SLC3A1: variants seen among roughly 807,000 people sequenced by gnomAD.
SLC3A1 encodes the protein solute carrier family 3 member 1, also known as amino acid transporter heavy chain SLC3A1.
SLC3A1 carries 78 observed loss-of-function variants against 60.3 expected under a neutral mutation model. The ratio of observed to expected loss-of-function variants is 1.29; its 90% CI spans 1.08 to 1.56. The LOEUF (loss-of-function observed/expected upper bound fraction) is 1.56, where lower values mean the gene tolerates loss of function less well. Among genes scored for constraint, SLC3A1 ranks in the 40% most tolerant of loss-of-function variants. The pLI is 0.00. For synonymous variants in SLC3A1, 392 were observed against 307.9 expected, an observed-to-expected ratio of 1.27 and a Z score of -2.86; for missense variants, 1,172 against 858.9, an observed-to-expected ratio of 1.36 and a Z score of -4.56.
chr2:44,287,582 G>C (rs1447636613), intron 4 of SLC3A1, among the ~76,000 whole-genome samples: 1 of 152,208 alleles, frequency 6.6e-6, no homozygotes, highest in East Asian at 1.9e-4. Context: ...TGAGTGTCTT[G>C]TATTTTATCT....
At chr2:44,319,372 T>A (rs1229110410) in intron 9 of SLC3A1, 3 of 152,556 alleles carry the variant, frequency 2.0e-5, no homozygotes, top group Non-Finnish European at 4.4e-5. Flanking sequence ...TAATCTATCT[T>A]AAGTAATACA....
In SLC3A1 at chr2:44,286,123, A is replaced by C. The variant is rs764752418; in HGVS notation, c.857A>C (p.Asn286Thr). 1.9e-6 allele frequency: 3 copies of C among 1,614,096 alleles called. No homozygotes were observed. The highest frequency in any genetic ancestry group is 2.5e-6 in the Non-Finnish European group (3 of 1,179,982). ...HQFMKEQPDLNFRNPDVQEEI... is the reference protein window; with the variant it reads ...HQFMKEQPDLTFRNPDVQEEI... Reference sequence around the variant, plus strand: ...TTTATGAAAGAGCAACCTGATTTAAATTTCCGCAATCCTGATGTTCAAGAA... The same window carrying C: ...TTTATGAAAGAGCAACCTGATTTAACTTTCCGCAATCCTGATGTTCAAGAA... The change falls in exon 4 of 10, where the codon AAT becomes ACT. Residue 286 changes from asparagine (N) to threonine (T), a missense_variant. Physicochemically the swap from Asn to Thr is moderately conservative, Grantham distance 65. Transcript: ENST00000260649.
intron 9 of SLC3A1, chr2:44,318,234 G>C (rs1330189141): frequency 2.9e-6 from 1 of 344,480 alleles, no homozygotes; most frequent in African/African-American, 2.3e-5. Flanking sequence ...GGGATTACAG[G>C]TGCACGTCAT....
chr2:44,302,945 T>A (rs113841058), intron 6 of SLC3A1, among the ~76,000 whole-genome samples: 14,336 of 152,086 alleles, frequency 0.094, 728 homozygotes, highest in Non-Finnish European at 0.11. Context: ...ATGCCTGTAA[T>A]CCCAATAGTT....
chr2:44,300,646 A>T (rs563917702), intron 5 of SLC3A1, among the ~76,000 whole-genome samples: 2 of 152,230 alleles, frequency 1.3e-5, no homozygotes, highest in African/African-American at 2.4e-5. Context: ...TTGTGAGCAG[A>T]TAAAGTATAC....
chr2:44,290,115 C>T lies in SLC3A1; in HGVS notation c.891+3958C>T, dbSNP rs373411224. Among the ~76,000 whole-genome samples, 117 of 133,422 alleles carry T rather than the reference C, an allele frequency of 8.8e-4. No individual in the cohort carries two copies. The East Asian group carries it at 0.017, about 20-fold the overall frequency. The allele number at this position is 133,422 out of a possible 152,430, so 87.5% of individuals were successfully genotyped here. ...TTTTTATATAGGGTGTGAAGGTAAG[C>T]TGTCCGACTTTTTTTTTTTTTTTTT... On this transcript the variant is annotated intron_variant, in intron 4 of 9. Transcript: ENST00000260649.
chr2:44,311,476 C>A (rs140218093), intron 7 of SLC3A1, among the ~76,000 whole-genome samples: 3 of 152,048 alleles, frequency 2.0e-5, no homozygotes, highest in Non-Finnish European at 4.4e-5. Flanking sequence ...TGTTAAAAAC[C>A]GGACATTTTA....
chr2:44,276,285 CT>C (rs1558450709), intron 1 of SLC3A1, among the ~76,000 whole-genome samples: 1 of 152,138 alleles, frequency 6.6e-6, no homozygotes, highest in Non-Finnish European at 1.5e-5. Flanking sequence ...AATCTATGTC[CT>C]GTTTCTGGGG....
Position 44,314,009 on chromosome 2 carries a change from G to C in SLC3A1, c.1617+58G>C, listed in dbSNP as rs202086252. The C allele has an allele frequency of 2.2e-4, 350 of 1,610,154 alleles. 3 individuals carry two copies. In the South Asian group the frequency reaches 3.7e-3, roughly 17 times the overall value. On this transcript the variant is annotated intron_variant, in intron 9 of 9. Transcript: ENST00000260649. ...AGAAACAAAGAAATGGGTTTCTACTGAAAGTACACACTCACCCTGAATGTG... is the reference window on the plus strand; with the variant it reads ...AGAAACAAAGAAATGGGTTTCTACTCAAAGTACACACTCACCCTGAATGTG...
chr2:44,303,055 G>C (rs1306371044), intron 6 of SLC3A1, among the ~76,000 whole-genome samples: 2 of 151,710 alleles, frequency 1.3e-5, no homozygotes, highest in Admixed American at 1.3e-4. Flanking sequence ...AAAAAAATTA[G>C]CTGGGCGTGG....
In SLC3A1 at chr2:44,295,877, CTT is replaced by C. The variant is rs546502464; in HGVS notation, c.892-4091_892-4090del. ...TGCTCTGCCCCAACCAATGTTCACA[CTT>C]TTAAAGAACAGCACCACCTGGGTGT... is the stretch of plus-strand genomic sequence containing the variant. On this transcript the variant is annotated intron_variant, in intron 4 of 9. Transcript: ENST00000260649. Among the ~76,000 whole-genome samples, 12 of 152,328 alleles carry C rather than the reference CTT, an allele frequency of 7.9e-5. No individual in the cohort carries two copies. The East Asian group carries it at 2.3e-3, about 29-fold the overall frequency.
intron 6 of SLC3A1, among the ~76,000 whole-genome samples, chr2:44,303,460 C>T (rs1035359270): frequency 3.3e-5 from 5 of 151,872 alleles, no homozygotes; most frequent in Non-Finnish European, 5.9e-5. Context: ...TGGTCTCAAA[C>T]TCCTGACCTC....
intron 5 of SLC3A1, 96 bp from the exon 6 acceptor site, chr2:44,300,907 T>C: frequency 6.9e-7 from 1 of 1,452,650 alleles, no homozygotes; most frequent in Non-Finnish European, 9.6e-7. Context: ...TCGCTTGGCT[T>C]GAGCCCTTTG....
intron 9 of SLC3A1, chr2:44,318,045 T>C (rs1672576222): frequency 2.4e-6 from 1 of 424,680 alleles, no homozygotes; most frequent in Non-Finnish European, 4.7e-6. Context: ...TTCCTAATAC[T>C]TAGAAATATT....
chr2:44,320,972 T>A lies in SLC3A1; in HGVS notation c.*333T>A, dbSNP rs1672889930. On this transcript the variant is annotated 3_prime_UTR_variant, in exon 10 of 10. Coordinates refer to ENST00000260649, the MANE Select transcript of SLC3A1 (RefSeq NM_000341.4). Reference sequence around the variant, plus strand: ...TCCCTTAAAATGCAGTCATAGAAATTAGAGGATGACTCACTGCCACAGTGT... The same window carrying A: ...TCCCTTAAAATGCAGTCATAGAAATAAGAGGATGACTCACTGCCACAGTGT... The A allele has an allele frequency of 7.5e-6, 3 of 398,826 alleles. No individual in the cohort carries two copies. The highest frequency in any genetic ancestry group is 2.6e-5 in the South Asian group (1 of 39,190). The allele number at this position is 398,826 out of a possible 1,614,324, so 24.7% of individuals were successfully genotyped here. A position where few individuals can be genotyped will look rare whatever the true frequency, so the allele number is the denominator to read the frequency against.
At chr2:44,316,188 A>C (rs1387348100) in intron 9 of SLC3A1, 1 of 152,248 alleles carries the variant, frequency 6.6e-6, no homozygotes, top group Non-Finnish European at 1.5e-5. Context: ...CATCTGAGAA[A>C]AACCAAGGCC....
intron 7 of SLC3A1, among the ~76,000 whole-genome samples, chr2:44,309,601 CTTT>C (rs1355372434): frequency 4.6e-5 from 7 of 152,010 alleles, no homozygotes; most frequent in African/African-American, 1.5e-4. Context: ...CATAATACTT[CTTT>C]TGTTTTGTTT....
intron 9 of SLC3A1, among the ~76,000 whole-genome samples, chr2:44,317,069 G>T (rs1160928142): frequency 6.6e-6 from 1 of 152,154 alleles, no homozygotes; most frequent in African/African-American, 2.4e-5. Context: ...GCAAGCAAAT[G>T]AGAGAGCAGT....
intron 1 of SLC3A1, among the ~76,000 whole-genome samples, chr2:44,280,295 G>A (rs1671466156): frequency 2.0e-5 from 3 of 152,012 alleles, no homozygotes; most frequent in Non-Finnish European, 2.9e-5. Context: ...CTAGAGTACA[G>A]TGGTGTGATC....
Sources: allele counts gnomAD v4.1 joint callset (sites outside exome capture counted in the v4.1 genomes callset), GRCh38; gene constraint gnomAD v4.1.1; transcripts MANE v1.5; gene names NCBI Gene and HGNC (gene_info 2026-07-23, HGNC 2026-07-21).